The following SPHKAP variants were observed in gnomAD, a reference collection of about 807,000 sequenced individuals.
The protein encoded by SPHKAP is SPHK1 interactor, AKAP domain containing.
A neutral mutation model predicts 137.5 loss-of-function variants in SPHKAP; 67 were observed. The ratio of observed to expected loss-of-function variants is 0.49; its 90% CI spans 0.40 to 0.60. The LOEUF is 0.60. SPHKAP is among the 20% of genes least tolerant of loss of function. The probability of loss-of-function intolerance (pLI) is 0.00; values close to 1 mark genes in which losing one functional copy is unlikely to be tolerated. For missense variants in SPHKAP, 2,097 were observed against 2,069.3 expected (o/e 1.01, Z -0.26); for synonymous variants, 813 against 785.3 (o/e 1.04, Z -0.59).
chr2:228,033,508 T>A (rs1695442866), intron 3 of SPHKAP, among the ~76,000 whole-genome samples: 1 of 152,172 alleles, frequency 6.6e-6, no homozygotes, highest in Admixed American at 6.5e-5. Flanking sequence ...GGAATTGAAC[T>A]CATCTCTGCA....
chr2:228,113,697 G>C (rs757975847), intron 2 of SPHKAP, among the ~76,000 whole-genome samples: 4 of 142,432 alleles, frequency 2.8e-5, no homozygotes, highest in Non-Finnish European at 6.0e-5. Context: ...CTGACTCCTT[G>C]TTAACTGTGT....
At chr2:228,147,647 G>T (rs1045877055) in intron 1 of SPHKAP, among the ~76,000 whole-genome samples, 1 of 152,144 alleles carries the variant, frequency 6.6e-6, no homozygotes, top group South Asian at 2.1e-4. Flanking sequence ...TGAGCTTCAG[G>T]TTCCTCATCT....
chr2:228,010,193 T>C (rs1311139773), intron 7 of SPHKAP, among the ~76,000 whole-genome samples: 1 of 152,118 alleles, frequency 6.6e-6, no homozygotes, highest in Non-Finnish European at 1.5e-5. Context: ...TGTTGTACAA[T>C]GTATGAAATC....
chr2:228,013,062 C>G (rs1454809273), intron 7 of SPHKAP, among the ~76,000 whole-genome samples: 2 of 152,280 alleles, frequency 1.3e-5, no homozygotes, highest in African/African-American at 2.4e-5. Flanking sequence ...GCATATGCCA[C>G]TTACCTTGTT....
At chr2:228,073,555 G>A (rs1235927985) in intron 3 of SPHKAP, among the ~76,000 whole-genome samples, 2 of 152,212 alleles carry the variant, frequency 1.3e-5, no homozygotes, top group South Asian at 4.1e-4. Flanking sequence ...TGCCTCTCAG[G>A]AAGGGCTAAA....
intron 1 of SPHKAP, among the ~76,000 whole-genome samples, chr2:228,143,664 CTTTTTTTTTTT>C (rs35440451): frequency 1.0e-5 from 1 of 97,426 alleles, no homozygotes; most frequent in Admixed American, 1.2e-4. Context: ...AAACACCTGG[CTTTTTTTTTTT>C]TTTTTTTTTT....
chr2:227,985,389 A>T (rs777154168), intron 11 of SPHKAP, among the ~76,000 whole-genome samples: 1 of 152,142 alleles, frequency 6.6e-6, no homozygotes, highest in South Asian at 2.1e-4. Flanking sequence ...ATGAAAAAAG[A>T]TTGTGAAGAA....
At chr2:228,167,932 A>G (rs1369122405) in intron 1 of SPHKAP, among the ~76,000 whole-genome samples, 6 of 152,154 alleles carry the variant, frequency 3.9e-5, no homozygotes, top group Admixed American at 3.9e-4. Context: ...AAATGTACCA[A>G]CTGAAAAAGA....
At chr2:228,110,590 G>A (rs1398666926) in intron 2 of SPHKAP, among the ~76,000 whole-genome samples, 1 of 151,904 alleles carries the variant, frequency 6.6e-6, no homozygotes, top group Non-Finnish European at 1.5e-5. Context: ...TTCAGAGAGT[G>A]CAGCAATCAG....
At chr2:228,134,234 G>GAGGGAGGGAGGA (rs369812126) in intron 1 of SPHKAP, among the ~76,000 whole-genome samples, 11 of 141,312 alleles carry the variant, frequency 7.8e-5, no homozygotes, top group South Asian at 4.8e-4. Flanking sequence ...AGGAGGGAGG[G>GAGGGAGGGAGGA]AGGAAGGAAG....
At chr2:228,085,738 G>T (rs1697516012) in intron 3 of SPHKAP, among the ~76,000 whole-genome samples, 2 of 152,040 alleles carry the variant, frequency 1.3e-5, no homozygotes, top group Non-Finnish European at 1.5e-5. Context: ...TCCGTTACAG[G>T]TTTTCAGATT....
At chr2:228,004,944 T>G (rs539106967) in intron 7 of SPHKAP, among the ~76,000 whole-genome samples, 1 of 152,238 alleles carries the variant, frequency 6.6e-6, no homozygotes, top group Non-Finnish European at 1.5e-5. Context: ...ATTTCTGTTC[T>G]TTTACATTTG....
Position 227,994,750 on chromosome 2 carries a change from T to C in SPHKAP, c.4634+759A>G, listed in dbSNP as rs144645249. Among the ~76,000 whole-genome samples the C allele has an allele frequency of 3.9e-3, 601 of 152,328 alleles. 4 individuals are homozygous for C. Among genetic ancestry groups the C allele is most frequent in the African/African-American group, 0.014 (562 of 41,576 alleles). On this transcript the variant is annotated intron_variant, in intron 8 of 11. Transcript: ENST00000392056. ...TTTTTGTTTCTATCTTGTAATACTT[T>C]CCGCTAGTTTTAGAAGTTTTGACAA...
chr2:228,181,425 A>G lies in SPHKAP; in HGVS notation c.32+142T>C. ...GCTCCAGCGAGGCTGGGCCGGACTT[A>G]TTTACAAGTGCAGTGACCCCTGTCT... On this transcript the variant is annotated intron_variant, in intron 1 of 11. Transcript: ENST00000392056. The surrounding 1 kb of genome is among the most constrained non-coding windows in gnomAD (Gnocchi z 4.3). 1 of 1,183,730 alleles carries G rather than the reference A, an allele frequency of 8.4e-7. No individual in the cohort carries two copies. The highest frequency in any genetic ancestry group is 1.3e-6 in the Non-Finnish European group (1 of 798,008). The allele number at this position is 1,183,730 out of a possible 1,614,324, so 73.3% of individuals were successfully genotyped here.
chr2:228,165,799 A>G (rs1189811949), intron 1 of SPHKAP, among the ~76,000 whole-genome samples: 1 of 152,224 alleles, frequency 6.6e-6, no homozygotes, highest in Non-Finnish European at 1.5e-5. Flanking sequence ...ACATTTAACA[A>G]TTAGTTTCCA....
intron 7 of SPHKAP, among the ~76,000 whole-genome samples, chr2:227,999,163 G>C (rs965694452): frequency 2.0e-5 from 3 of 152,126 alleles, no homozygotes; most frequent in Non-Finnish European, 4.4e-5. Context: ...TTTACAAAAG[G>C]CTTTGGATGC....
At chr2:228,035,331 G>A (rs1394610243) in intron 3 of SPHKAP, among the ~76,000 whole-genome samples, 1 of 151,894 alleles carries the variant, frequency 6.6e-6, no homozygotes, top group African/African-American at 2.4e-5. Flanking sequence ...CAAGGGATGT[G>A]AAGGACCTCT....
intron 2 of SPHKAP, chr2:228,131,341 A>G: frequency 7.1e-6 from 7 of 983,058 alleles, no homozygotes; most frequent in South Asian, 9.4e-5. Context: ...AACAGTGACA[A>G]AAGCATTAGA....
intron 1 of SPHKAP, among the ~76,000 whole-genome samples, chr2:228,150,006 C>T (rs1699884251): frequency 6.6e-6 from 1 of 152,054 alleles, no homozygotes; most frequent in Admixed American, 6.6e-5. Context: ...AAAGTTACAC[C>T]ACCATGTATT....
Sources: allele counts gnomAD v4.1 joint callset (sites outside exome capture counted in the v4.1 genomes callset), GRCh38; gene constraint gnomAD v4.1.1; non-coding constraint Gnocchi (gnomAD v3.1); transcripts MANE v1.5; gene names NCBI Gene and HGNC (gene_info 2026-07-23, HGNC 2026-07-21).